Variants in TNS3 observed in about 807,000 individuals in gnomAD.
TNS3 encodes tensin 3.
Under a neutral mutation model 140.9 loss-of-function variants are expected in TNS3, and 45 were observed. The observed-to-expected ratio is 0.32, with a 90% CI of 0.25 to 0.41. The LOEUF is 0.41. TNS3 is among the 10% of genes least tolerant of loss of function. The pLI, the probability that TNS3 is intolerant of heterozygous loss-of-function variation, is 1.00. For missense variants in TNS3, 1,716 were observed against 1,906.7 expected (o/e 0.90, Z 1.86); for synonymous variants, 815 against 788.4 (o/e 1.03, Z -0.56).
Position 47,293,835 on chromosome 7 carries a change from C to T in TNS3, c.3677-7G>A. 1 of 1,613,992 alleles carries T rather than the reference C, an allele frequency of 6.2e-7. No homozygotes were observed. Among genetic ancestry groups the T allele is most frequent in the South Asian group, 1.1e-5 (1 of 91,074 alleles). ...TCATTGGCCAAATCTCCAGCTGTGG[C>T]AAGAAATTTAAAGAAAGAAGAATTT... On this transcript the variant is annotated splice_polypyrimidine_tract_variant and splice_region_variant and intron_variant, in intron 24 of 30. Transcript: ENST00000311160.
At chr7:47,322,153 C>T (rs923337228) in intron 20 of TNS3, among the ~76,000 whole-genome samples, 2 of 142,080 alleles carry the variant, frequency 1.4e-5, no homozygotes, top group Admixed American at 7.5e-5. Context: ...TAGAAGGAAG[C>T]TGATGCAACA....
chr7:47,297,789 T>G (rs911523647), intron 23 of TNS3, among the ~76,000 whole-genome samples: 6 of 149,582 alleles, frequency 4.0e-5, no homozygotes, highest in East Asian at 3.9e-4. Flanking sequence ...AAAGAAGTTT[T>G]TTTTTTTTTT....
chr7:47,507,972 G>C (rs2151885093), intron 2 of TNS3, among the ~76,000 whole-genome samples: 1 of 152,278 alleles, frequency 6.6e-6, no homozygotes, highest in African/African-American at 2.4e-5. Context: ...GGGTCAAATG[G>C]AATCCTTCAA....
chr7:47,397,453 T>C (rs1027895353), intron 15 of TNS3, among the ~76,000 whole-genome samples: 2 of 152,172 alleles, frequency 1.3e-5, no homozygotes, highest in African/African-American at 2.4e-5. Flanking sequence ...TGGTGATGGA[T>C]CTGGACAATT....
Position 47,304,960 on chromosome 7 carries a change from C to A in TNS3, c.2694G>T (p.Met898Ile). Residue 898 changes from methionine (M) to isoleucine (I), a missense_variant, in exon 21 of 31, where the codon ATG (methionine) becomes ATT (isoleucine). By Grantham distance (10) the Met-to-Ile change is conservative. Transcript: ENST00000311160. The part of the protein sequence containing the change: ...CPETLTHAVG[M>I]SESPIGPKST... ...ATTTGGGTCCGATGGGGCTCTCTGA[C>A]ATCCCCACAGCGTGAGTGAGCGTCT... 7.1e-7 allele frequency: 1 copy of A among 1,417,842 alleles called. No individual in the cohort carries two copies. The highest frequency in any genetic ancestry group is 1.7e-5 in the South Asian group (1 of 59,610). 87.8% of individuals were successfully genotyped at this position (1,417,842 alleles called of 1,614,324 possible).
chr7:47,440,051 C>T (rs565220873), intron 5 of TNS3, among the ~76,000 whole-genome samples: 13 of 152,248 alleles, frequency 8.5e-5, no homozygotes, highest in African/African-American at 2.6e-4. Context: ...AGCCTCAACC[C>T]TGCTCTGAGG....
intron 16 of TNS3, among the ~76,000 whole-genome samples, chr7:47,386,482 T>C (rs1346096846): frequency 6.6e-6 from 1 of 152,236 alleles, no homozygotes; most frequent in African/African-American, 2.4e-5. Context: ...GCCTTGACCT[T>C]GGCTCCCTCT....
At chr7:47,578,849 C>T (rs1784460994) in intron 1 of TNS3, among the ~76,000 whole-genome samples, 2 of 152,228 alleles carry the variant, frequency 1.3e-5, no homozygotes, top group South Asian at 2.1e-4. Context: ...AAAAGCCCCA[C>T]GGCAGGACAC....
chr7:47,506,136 G>C (rs1048135562), intron 3 of TNS3, among the ~76,000 whole-genome samples: 23 of 152,186 alleles, frequency 1.5e-4, no homozygotes, highest in African/African-American at 5.3e-4. Flanking sequence ...CCCATAGGCA[G>C]GGCCAAACAG....
At chr7:47,379,975 C>T (rs1791647265) in intron 16 of TNS3, among the ~76,000 whole-genome samples, 2 of 152,262 alleles carry the variant, frequency 1.3e-5, no homozygotes, top group African/African-American at 4.8e-5. Flanking sequence ...CAGAGCAGAA[C>T]CTTCCACACA....
chr7:47,387,355 T>C (rs1792134514), intron 16 of TNS3, among the ~76,000 whole-genome samples: 1 of 152,188 alleles, frequency 6.6e-6, no homozygotes, highest in Non-Finnish European at 1.5e-5. Context: ...TTGAAAGCTG[T>C]TGACCCCAAG....
chr7:47,510,959 G>A (rs1798586613), intron 2 of TNS3, among the ~76,000 whole-genome samples: 1 of 152,090 alleles, frequency 6.6e-6, no homozygotes, highest in Admixed American at 6.6e-5. Context: ...CAAATGTGGG[G>A]ATTTTCCTGA....
intron 1 of TNS3, among the ~76,000 whole-genome samples, chr7:47,575,364 T>C (rs1584869935): frequency 6.6e-6 from 1 of 152,260 alleles, no homozygotes; most frequent in East Asian, 1.9e-4. Context: ...AGAAAACATA[T>C]GGCACACAAG....
At chr7:47,313,477 T>TA (rs931872407) in intron 20 of TNS3, among the ~76,000 whole-genome samples, 2 of 151,998 alleles carry the variant, frequency 1.3e-5, no homozygotes, top group Admixed American at 6.6e-5. Flanking sequence ...AACTTTGGAA[T>TA]AAAAAAAAGT....
chr7:47,509,801 C>G (rs190600848), intron 2 of TNS3, among the ~76,000 whole-genome samples: 1 of 152,086 alleles, frequency 6.6e-6, no homozygotes, highest in Non-Finnish European at 1.5e-5. Flanking sequence ...CAGCTGCCTC[C>G]GTTCCTGAGT....
At chr7:47,314,014 C>G (rs1259331883) in intron 20 of TNS3, among the ~76,000 whole-genome samples, 2 of 152,224 alleles carry the variant, frequency 1.3e-5, no homozygotes, top group Non-Finnish European at 2.9e-5. Context: ...GACTTCAGCA[C>G]AGGGAGACTT....
intron 16 of TNS3, among the ~76,000 whole-genome samples, chr7:47,372,650 C>T (rs1032062856): frequency 6.6e-6 from 1 of 152,156 alleles, no homozygotes; most frequent in Admixed American, 6.6e-5. Context: ...TGACTAAACA[C>T]TCCATCTACG....
At chr7:47,500,840 G>A (rs1798185789) in intron 3 of TNS3, among the ~76,000 whole-genome samples, 1 of 152,148 alleles carries the variant, frequency 6.6e-6, no homozygotes, top group South Asian at 2.1e-4. Flanking sequence ...AGCACTCTGG[G>A]AGGCCAAGGT....
chr7:47,305,153 G>T, intron 20 of TNS3, 150 bp from the exon 21 acceptor site: 1 of 550,174 alleles, frequency 1.8e-6, no homozygotes, highest in Non-Finnish European at 2.7e-6. Flanking sequence ...ATCACTACCC[G>T]TAATAGGCTG....
Sources: gnomAD v4.1 joint callset for allele counts (sites outside exome capture counted in the v4.1 genomes callset) on GRCh38, gnomAD v4.1.1 for gene constraint, MANE v1.5 for transcripts, NCBI Gene and HGNC (gene_info 2026-07-23, HGNC 2026-07-21) for gene names.